The following CDYL variants were observed in gnomAD, a reference collection of about 807,000 sequenced individuals.
CDYL encodes the protein chromodomain Y-like protein.
A neutral mutation model predicts 47.3 loss-of-function variants in CDYL; 8 were observed. That is an observed-to-expected ratio of 0.17 (90% CI 0.10 to 0.31). The LOEUF (loss-of-function observed/expected upper bound fraction) is 0.31. Ranked by LOEUF, CDYL falls within the 10% of genes least tolerant of loss-of-function variation. CDYL has a pLI of 1.00. For synonymous variants in CDYL, 266 were observed against 265.0 expected (o/e 1.00, Z -0.04); for missense variants, 471 against 701.4 (o/e 0.67, Z 3.71).
At chr6:4,722,382 G>T (rs754865521) in intron 2 of CDYL, among the ~76,000 whole-genome samples, 11 of 151,898 alleles carry the variant, frequency 7.2e-5, no homozygotes, top group Non-Finnish European at 1.0e-4. Context: ...TACTTGGCAA[G>T]AACCTGTCTC....
At chr6:4,752,864 A>ATAGG (rs1288042749) in intron 3 of CDYL, among the ~76,000 whole-genome samples, 3 of 141,844 alleles carry the variant, frequency 2.1e-5, no homozygotes, top group Non-Finnish European at 4.5e-5. Flanking sequence ...GTGTTTGTAG[A>ATAGG]TAGGTAGGTA....
intron 1 of CDYL, among the ~76,000 whole-genome samples, chr6:4,819,162 C>CTCTCTCTGTGTGTGTGTG (rs1016051589): frequency 1.4e-4 from 16 of 111,992 alleles, no homozygotes; most frequent in African/African-American, 7.2e-4. Context: ...CTCTCTCTCT[C>CTCTCTCTGTGTGTGTGTG]TGTGTGTGTG....
chr6:4,886,254 T>C (rs532474237), intron 1 of CDYL, among the ~76,000 whole-genome samples: 2 of 152,228 alleles, frequency 1.3e-5, no homozygotes, highest in African/African-American at 4.8e-5. Flanking sequence ...GTTGGGTAGA[T>C]ACCTAGGAGT....
chr6:4,810,182 A>C lies in CDYL; in HGVS notation c.24+33375A>C, dbSNP rs937021374. Among the ~76,000 whole-genome samples, 9 of 152,186 alleles carry C rather than the reference A, an allele frequency of 5.9e-5. No homozygotes were observed. In the South Asian group the frequency reaches 1.9e-3, roughly 32 times the overall value. On this transcript the variant is annotated intron_variant, in intron 1 of 6. Transcript: ENST00000397588. ...CCTACGGGATAATGACATAATGCAT[A>C]GTTGTCTAAGTGTGTGATGGGTTAC...
intron 1 of CDYL, among the ~76,000 whole-genome samples, chr6:4,869,040 G>C (rs1049288183): frequency 6.6e-6 from 1 of 150,808 alleles, no homozygotes; most frequent in African/African-American, 2.4e-5. Flanking sequence ...TCTAAAATGT[G>C]TCTCTTGCAG....
chr6:4,804,919 T>C (rs953535054), intron 1 of CDYL, among the ~76,000 whole-genome samples: 1 of 152,246 alleles, frequency 6.6e-6, no homozygotes, highest in Non-Finnish European at 1.5e-5. Flanking sequence ...CCCATTTCTA[T>C]ACTTTTATCT....
chr6:4,900,431 CAT>C (rs1756989111), intron 2 of CDYL, among the ~76,000 whole-genome samples: 2 of 152,094 alleles, frequency 1.3e-5, no homozygotes, highest in African/African-American at 2.4e-5. Context: ...CTTTCTCCCC[CAT>C]ATATGTTTAT....
In CDYL at chr6:4,955,346, C is replaced by A. The variant is rs1323511186; in HGVS notation, c.*1290C>A. The A allele has an allele frequency of 6.6e-6, 1 of 152,628 alleles. No individual in the cohort carries two copies. The allele number at this position is 152,628 out of a possible 1,614,324, so 9.5% of individuals were successfully genotyped here. On this transcript the variant is annotated 3_prime_UTR_variant, in exon 7 of 7. Coordinates refer to ENST00000397588, the MANE Select transcript of CDYL (RefSeq NM_004824.4). ...GTTTATACTTAGAACTGACCACCTC[C>A]CCGGCCACGCGGAGAGCTGTACAGT...
intron 3 of CDYL, among the ~76,000 whole-genome samples, chr6:4,756,578 G>GTCTGTGTGTGTC (rs766070764): frequency 0.034 from 4,777 of 141,060 alleles, 178 homozygotes; most frequent in South Asian, 0.11. Flanking sequence ...ATTATCGTGT[G>GTCTGTGTGTGTC]TATGTGTGTG....
At chr6:4,718,959 T>C (rs1212964970) in intron 2 of CDYL, among the ~76,000 whole-genome samples, 14 of 152,070 alleles carry the variant, frequency 9.2e-5, no homozygotes, top group African/African-American at 3.4e-4. Flanking sequence ...GTTTTGCTCT[T>C]GTTGCCCAGG....
chr6:4,830,031 C>T (rs1300038666), intron 1 of CDYL, among the ~76,000 whole-genome samples: 1 of 152,218 alleles, frequency 6.6e-6, no homozygotes, highest in Non-Finnish European at 1.5e-5. Flanking sequence ...AGAATAATTG[C>T]TGTTTTTTGG....
intron 2 of CDYL, among the ~76,000 whole-genome samples, chr6:4,910,398 C>T: frequency 6.6e-6 from 1 of 152,194 alleles, no homozygotes; most frequent in East Asian, 1.9e-4. Context: ...GAGTACTCTG[C>T]CTTTAACTCC....
chr6:4,742,460 A>T (rs1451700090), intron 3 of CDYL, among the ~76,000 whole-genome samples: 1 of 151,946 alleles, frequency 6.6e-6, no homozygotes, highest in African/African-American at 2.4e-5. Context: ...AGAAAAGAAA[A>T]AGGAAGAGAG....
chr6:4,724,291 TC>T (rs1194605961), intron 2 of CDYL: 1 of 151,994 alleles, frequency 6.6e-6, no homozygotes, highest in East Asian at 1.9e-4. Flanking sequence ...CTTCATATAA[TC>T]CACCCACCTT....
At chr6:4,887,263 G>T (rs1235782777) in intron 1 of CDYL, among the ~76,000 whole-genome samples, 1 of 152,100 alleles carries the variant, frequency 6.6e-6, no homozygotes, top group Non-Finnish European at 1.5e-5. Flanking sequence ...TAAGAGTTAC[G>T]TCGAATCTAA....
At chr6:4,824,731 ATTTT>A (rs142967434) in intron 1 of CDYL, among the ~76,000 whole-genome samples, 1 of 150,780 alleles carries the variant, frequency 6.6e-6, no homozygotes, top group African/African-American at 2.4e-5. Flanking sequence ...CAGTTTACCT[ATTTT>A]TTTTTCTTTT....
intron 3 of CDYL, among the ~76,000 whole-genome samples, chr6:4,759,244 C>T (rs752952170): frequency 2.0e-5 from 3 of 152,180 alleles, no homozygotes; most frequent in Non-Finnish European, 4.4e-5. Context: ...GCTAGGATTA[C>T]AGGCGTGAGC....
intron 1 of CDYL, among the ~76,000 whole-genome samples, chr6:4,837,253 A>C (rs1185148439): frequency 6.6e-6 from 1 of 152,236 alleles, no homozygotes; most frequent in African/African-American, 2.4e-5. Context: ...TTATCATTCA[A>C]ATGGAGGCAC....
intron 2 of CDYL, among the ~76,000 whole-genome samples, chr6:4,900,779 G>GTATATATATATATATATATATATATA (rs59594195): frequency 1.9e-5 from 1 of 51,702 alleles, no homozygotes; most frequent in African/African-American, 6.3e-5. Flanking sequence ...GTATACGTGT[G>GTATATATATATATATATATATATATA]TATATATATA....
Sources: gnomAD v4.1 joint callset for allele counts (sites outside exome capture counted in the v4.1 genomes callset) on GRCh38, gnomAD v4.1.1 for gene constraint, MANE v1.5 for transcripts, NCBI Gene and HGNC (gene_info 2026-07-23, HGNC 2026-07-21) for gene names.